The following COL27A1 variants were observed in gnomAD, a reference collection of about 807,000 sequenced individuals.
COL27A1 encodes the protein collagen alpha-1(XXVII) chain.
Under a neutral mutation model 251.3 loss-of-function variants are expected in COL27A1, and 106 were observed. The observed-to-expected ratio is 0.42, with a 90% CI of 0.36 to 0.50. The LOEUF is 0.50. COL27A1 is among the 20% of genes least tolerant of loss of function. The pLI is 0.00. For synonymous variants in COL27A1, 1,000 were observed against 986.3 expected (o/e 1.01, Z -0.26); for missense variants, 2,325 against 2,522.8 (o/e 0.92, Z 1.68).
chr9:114,275,797 G>T (rs1371548166), intron 37 of COL27A1, 29 bp downstream of exon 37: 5 of 1,430,672 alleles, frequency 3.5e-6, no homozygotes, highest in African/African-American at 1.4e-5. Flanking sequence ...TGCAGCGCCT[G>T]GAGCTCTGGG....
Position 114,245,877 on chromosome 9 carries a change from G to A in COL27A1, c.2946G>A (p.Gly982=). The change falls in exon 24 of 61, where the codon GGG becomes GGA. Residue 982 remains glycine (G), a synonymous_variant. Transcript: ENST00000356083. ...PGLDGVKGEP[G]DPGRPGPVGE... ...TTGTCTCTTTGCAGGGGGAACCAGG[G>A]GATCCTGGTCGGCCGGGGCCTGTGG... The A allele has an allele frequency of 3.7e-6, 6 of 1,613,306 alleles. No homozygotes were observed. Among genetic ancestry groups the A allele is most frequent in the Non-Finnish European group, 5.1e-6 (6 of 1,179,580 alleles).
rs371179881 is a variant in COL27A1 at position 114,290,313 on chromosome 9, C to T, written c.4350C>T (p.Asp1450=). Residue 1450 remains aspartate, a synonymous_variant, in exon 47 of 61, where the codon GAC becomes GAT. Coordinates refer to ENST00000356083, the MANE Select transcript of COL27A1 (RefSeq NM_032888.4). This position sits in a 1 kb window ranked among gnomAD's most constrained non-coding sequence, Gnocchi z 4.6. The part of the protein sequence containing the change: ...IAGPDGLPGR[D]GQAGQQGEQG... ...GACCAGATGGGCTTCCTGGCAGGGA[C>T]GGGCAAGCAGGACAGCAGGTGAGCG... The T allele has an allele frequency of 3.7e-5, 59 of 1,581,480 alleles. No homozygotes were observed. Among genetic ancestry groups the T allele is most frequent in the African/African-American group, 2.0e-4 (15 of 74,664 alleles).
intron 57 of COL27A1, 94 bp from the exon 58 acceptor site, chr9:114,306,426 C>T: frequency 7.6e-7 from 1 of 1,309,542 alleles, no homozygotes. Context: ...ACCGAGATAC[C>T]TCCCAGGTTG....
intron 5 of COL27A1, 52 bp downstream of exon 5, chr9:114,183,127 A>T: frequency 6.5e-7 from 1 of 1,532,910 alleles, no homozygotes; most frequent in African/African-American, 1.5e-5. Flanking sequence ...GGTTGGAGCC[A>T]TGTTTGCAGT....
chr9:114,208,795 C>T (rs988688314), intron 10 of COL27A1, among the ~76,000 whole-genome samples: 124 of 152,156 alleles, frequency 8.1e-4, no homozygotes, highest in African/African-American at 2.8e-3. Flanking sequence ...AGATTGCTTC[C>T]GGCTTGGGGT....
In COL27A1 at chr9:114,168,288, C is replaced by T. The variant is rs778741093; in HGVS notation, c.733C>T (p.Pro245Ser). 1.2e-6 allele frequency: 2 copies of T among 1,613,654 alleles called. No individual in the cohort carries two copies. Among genetic ancestry groups the T allele is most frequent in the Non-Finnish European group, 1.7e-6 (2 of 1,180,016 alleles). Residue 245 changes from proline (P) to serine (S), a missense_variant, in exon 3 of 61, where the codon CCA (proline) becomes TCA (serine). By Grantham distance (74) the Pro-to-Ser change is moderately conservative. Around this residue, in one of 4 missense-constraint regions of COL27A1, gnomAD observed 1,183 missense variants for 1,144.1 expected, o/e 1.03. Coordinates refer to ENST00000356083, the MANE Select transcript of COL27A1 (RefSeq NM_032888.4). ...TGGACAGGCTGACACGTACCAGTCC[C>T]CACTGGGACCTCTCTTCTCCCAAGA... ...QCGQADTYQS[P>S]LGPLFSQDSG...
chr9:114,203,946 C>T (rs979970515), intron 7 of COL27A1, among the ~76,000 whole-genome samples: 8 of 151,960 alleles, frequency 5.3e-5, no homozygotes, highest in Admixed American at 2.6e-4. Flanking sequence ...AGATGATAGT[C>T]GCCCCCGAGC....
At chr9:114,226,145 G>A (rs1831455077) in intron 14 of COL27A1, among the ~76,000 whole-genome samples, 1 of 152,186 alleles carries the variant, frequency 6.6e-6, no homozygotes, top group Admixed American at 6.5e-5. Flanking sequence ...GAGTGACACA[G>A]AGGAAATTTT....
At chr9:114,217,812 A>G (rs555366477) in intron 12 of COL27A1, 9 of 470,914 alleles carry the variant, frequency 1.9e-5, no homozygotes, top group African/African-American at 1.2e-4. Context: ...TGGGAACTCA[A>G]TGCCTTCAGA....
At chr9:114,269,388 A>T in intron 35 of COL27A1, 94 bp downstream of exon 35, 2 of 784,862 alleles carry the variant, frequency 2.5e-6, no homozygotes, top group Non-Finnish European at 4.1e-6. Flanking sequence ...CCTAAGCCTC[A>T]GTTTCCTCAG....
Position 114,168,722 on chromosome 9 carries a change from G to A in COL27A1, c.1167G>A (p.Gln389=), listed in dbSNP as rs1226475161. ...IVPIKSPHPT[Q]KTAPSSFTKS... is the part of the protein sequence containing the mutation. Reference sequence around the variant, plus strand: ...CCATCAAAAGCCCCCATCCTACCCAGAAAACAGCTCCATCTTCATTTACAA... The same window carrying A: ...CCATCAAAAGCCCCCATCCTACCCAAAAAACAGCTCCATCTTCATTTACAA... Residue 389 remains glutamine, a synonymous_variant, in exon 3 of 61, where the codon CAG becomes CAA. Transcript: ENST00000356083. The A allele has an allele frequency of 6.2e-7, 1 of 1,613,954 alleles. No individual in the cohort carries two copies. Among genetic ancestry groups the A allele is most frequent in the Non-Finnish European group, 8.5e-7 (1 of 1,180,018 alleles).
Position 114,155,604 on chromosome 9 carries a change from G to C in COL27A1, c.-347G>C, listed in dbSNP as rs1469219837. The C allele has an allele frequency of 4.6e-5, 7 of 152,296 alleles. No homozygotes were observed. Among genetic ancestry groups the C allele is most frequent in the African/African-American group, 1.7e-4 (7 of 41,446 alleles). 9.4% of individuals were successfully genotyped at this position (152,296 alleles called of 1,614,324 possible). A position where few individuals can be genotyped will look rare whatever the true frequency, so the allele number is the denominator to read the frequency against. The stretch of plus-strand genomic sequence containing the variant: ...ACCGCCCTCCGCGCGCCCTCACCCG[G>C]CCTTGCTCTGCCTCCGGGGACCGCC... On this transcript the variant is annotated 5_prime_UTR_variant, in exon 1 of 61. Coordinates refer to ENST00000356083, the MANE Select transcript of COL27A1 (RefSeq NM_032888.4). This position sits in a 1 kb window ranked among gnomAD's most constrained non-coding sequence, Gnocchi z 5.5.
At chr9:114,300,568 G>T in intron 50 of COL27A1, 57 bp from the exon 51 acceptor site, 1 of 1,414,800 alleles carries the variant, frequency 7.1e-7, no homozygotes, top group Non-Finnish European at 9.6e-7. Context: ...GGGAGCTGTG[G>T]GGGCCCTTTA....
chr9:114,249,308 G>T (rs1472555828), intron 24 of COL27A1, among the ~76,000 whole-genome samples: 1 of 152,210 alleles, frequency 6.6e-6, no homozygotes, highest in Non-Finnish European at 1.5e-5. Context: ...TGAAATGTTA[G>T]CTGTGACCTT....
intron 7 of COL27A1, among the ~76,000 whole-genome samples, chr9:114,203,247 C>T (rs923018548): frequency 1.3e-5 from 2 of 152,094 alleles, no homozygotes; most frequent in South Asian, 2.1e-4. Context: ...CATGAAAACT[C>T]GGTAAATGTT....
Position 114,200,383 on chromosome 9 carries a change from T to C in COL27A1, c.2124+4371T>C, listed in dbSNP as rs77921845. Among the ~76,000 whole-genome samples the C allele has an allele frequency of 3.3e-3, 496 of 152,338 alleles. 4 individuals carry two copies. The highest frequency in any genetic ancestry group is 0.011 in the African/African-American group (471 of 41,592). The stretch of plus-strand genomic sequence containing the variant: ...TCTTCTTCATTCCACCTAATATGCA[T>C]TTAATGCCCACATCCCCTTGTAGAA... On this transcript the variant is annotated intron_variant, in intron 7 of 60. Coordinates refer to ENST00000356083, the MANE Select transcript of COL27A1 (RefSeq NM_032888.4).
intron 3 of COL27A1, among the ~76,000 whole-genome samples, chr9:114,171,386 A>G (rs997856383): frequency 6.6e-6 from 1 of 152,002 alleles, no homozygotes; most frequent in Non-Finnish European, 1.5e-5. Context: ...TGGGACTCAG[A>G]TCTGGGGGAC....
intron 3 of COL27A1, among the ~76,000 whole-genome samples, chr9:114,173,736 C>G (rs1849490810): frequency 6.6e-6 from 1 of 151,892 alleles, no homozygotes; most frequent in African/African-American, 2.4e-5. Context: ...ACATATGAAA[C>G]CTGGGTCCTG....
rs139652252 is a variant in COL27A1, at chr9:114,256,195, A to G, written c.3142-2346A>G. Among the ~76,000 whole-genome samples, 272 of 152,326 alleles carry G rather than the reference A, an allele frequency of 1.8e-3. 3 individuals are homozygous for G. In the Middle Eastern group the frequency reaches 0.027, roughly 15 times the overall value. On this transcript the variant is annotated intron_variant, in intron 27 of 60. Transcript: ENST00000356083. The stretch of plus-strand genomic sequence containing the variant: ...TCCGATAGCACATTGAGATCTATCA[A>G]GATTATTATCCCCAGGCCAGGTGCA...
Sources: allele counts gnomAD v4.1 joint callset (sites outside exome capture counted in the v4.1 genomes callset), GRCh38; gene constraint gnomAD v4.1.1; regional missense constraint gnomAD v4.1.1; non-coding constraint Gnocchi (gnomAD v3.1); transcripts MANE v1.5; gene names NCBI Gene and HGNC (gene_info 2026-07-23, HGNC 2026-07-21).